The following CSRNP3 variants were observed in gnomAD, a reference collection of about 807,000 sequenced individuals.
CSRNP3 encodes the protein cysteine and serine rich nuclear protein 3.
CSRNP3 carries 12 observed loss-of-function variants against 48.0 expected under a neutral mutation model. The observed-to-expected ratio is 0.25, with a 90% CI of 0.16 to 0.41. The LOEUF (loss-of-function observed/expected upper bound fraction) is 0.41, where lower values mean the gene tolerates loss of function less well. Among genes scored for constraint, CSRNP3 ranks in the 10% least tolerant of loss-of-function variants. The pLI is 1.00. For synonymous variants in CSRNP3, 263 were observed against 269.7 expected (o/e 0.98, Z 0.24); for missense variants, 580 against 724.4 (o/e 0.80, Z 2.29).
intron 3 of CSRNP3, among the ~76,000 whole-genome samples, chr2:165,577,677 C>T (rs1324456989): frequency 6.6e-6 from 1 of 151,524 alleles, no homozygotes; most frequent in Non-Finnish European, 1.5e-5. Flanking sequence ...CTATTATATA[C>T]TTTTATATAT....
intron 3 of CSRNP3, among the ~76,000 whole-genome samples, chr2:165,521,751 C>A (rs2105235894): frequency 6.6e-6 from 1 of 152,280 alleles, no homozygotes; most frequent in East Asian, 1.9e-4. Context: ...GGGGAGAGAG[C>A]TGTCCTTTGC....
At chr2:165,636,154 G>A (rs1045823308) in intron 4 of CSRNP3, among the ~76,000 whole-genome samples, 1 of 152,094 alleles carries the variant, frequency 6.6e-6, no homozygotes, top group Non-Finnish European at 1.5e-5. Context: ...CTCTTCCATT[G>A]GCTCAAATGA....
chr2:165,516,076 G>A (rs1045386554), intron 2 of CSRNP3, among the ~76,000 whole-genome samples: 30 of 151,776 alleles, frequency 2.0e-4, no homozygotes, highest in African/African-American at 5.8e-4. Flanking sequence ...AAAGTGCGGG[G>A]GTTACAGGCA....
intron 4 of CSRNP3, among the ~76,000 whole-genome samples, chr2:165,600,905 ATTGT>A (rs1685904127): frequency 1.3e-5 from 2 of 152,214 alleles, no homozygotes; most frequent in African/African-American, 2.4e-5. Context: ...AATTGATAAG[ATTGT>A]TTGGTATGTG....
intron 4 of CSRNP3, among the ~76,000 whole-genome samples, chr2:165,644,149 A>C (rs1428732084): frequency 6.6e-6 from 1 of 152,176 alleles, no homozygotes; most frequent in Non-Finnish European, 1.5e-5. Context: ...TGGATTGTTT[A>C]GAGATTATGG....
At chr2:165,560,952 T>C (rs1484337914) in intron 3 of CSRNP3, among the ~76,000 whole-genome samples, 1 of 152,204 alleles carries the variant, frequency 6.6e-6, no homozygotes, top group African/African-American at 2.4e-5. Flanking sequence ...AAAAAAATGC[T>C]ATTACTTTTA....
chr2:165,676,267 A>C (rs200051425), intron 5 of CSRNP3, 45 bp from the exon 6 acceptor site: 294 of 1,491,788 alleles, frequency 2.0e-4, no homozygotes, highest in Non-Finnish European at 2.4e-4. Context: ...CAGATTTTGT[A>C]CCCTGCCCTT....
At chr2:165,616,303 A>G (rs764618745) in intron 4 of CSRNP3, among the ~76,000 whole-genome samples, 2 of 152,102 alleles carry the variant, frequency 1.3e-5, no homozygotes, top group African/African-American at 2.4e-5. Context: ...TTCTGTAATG[A>G]TAACATTTAA....
chr2:165,611,442 A>T (rs1217529834), intron 4 of CSRNP3, among the ~76,000 whole-genome samples: 1 of 152,086 alleles, frequency 6.6e-6, no homozygotes. Context: ...ATAAATACAC[A>T]CAATGTTGTC....
At chr2:165,623,881 C>T (rs1446972376) in intron 4 of CSRNP3, among the ~76,000 whole-genome samples, 3 of 152,174 alleles carry the variant, frequency 2.0e-5, no homozygotes, top group African/African-American at 7.2e-5. Flanking sequence ...TTTAGAGCAG[C>T]TGCAAGGGAG....
intron 3 of CSRNP3, among the ~76,000 whole-genome samples, chr2:165,580,979 G>A (rs1162598309): frequency 2.0e-5 from 3 of 151,650 alleles, no homozygotes; most frequent in African/African-American, 7.3e-5. Flanking sequence ...AACTTCACTT[G>A]GTACTTTTGT....
At chr2:165,637,957 C>T (rs973612659) in intron 4 of CSRNP3, among the ~76,000 whole-genome samples, 1 of 151,832 alleles carries the variant, frequency 6.6e-6, no homozygotes, top group Non-Finnish European at 1.5e-5. Flanking sequence ...TTTTAATGCC[C>T]CTTTTTCACT....
intron 4 of CSRNP3, among the ~76,000 whole-genome samples, chr2:165,623,510 G>A (rs558462123): frequency 1.6e-4 from 24 of 152,278 alleles, no homozygotes; most frequent in Non-Finnish European, 3.2e-4. Flanking sequence ...AAAGGTTGGG[G>A]ACCACTGATA....
intron 4 of CSRNP3, among the ~76,000 whole-genome samples, chr2:165,626,344 C>T (rs1176443951): frequency 6.6e-6 from 1 of 152,044 alleles, no homozygotes; most frequent in African/African-American, 2.4e-5. Flanking sequence ...GTGAGATGGA[C>T]ATCTAAGGTA....
At chr2:165,580,583 C>G (rs1483799052) in intron 3 of CSRNP3, among the ~76,000 whole-genome samples, 1 of 151,994 alleles carries the variant, frequency 6.6e-6, no homozygotes, top group African/African-American at 2.4e-5. Context: ...TAAAGCTTGC[C>G]CATATTTTAT....
chr2:165,549,482 T>G (rs1685071501), intron 3 of CSRNP3, among the ~76,000 whole-genome samples: 1 of 152,056 alleles, frequency 6.6e-6, no homozygotes, highest in Non-Finnish European at 1.5e-5. Flanking sequence ...GGGTCCAGTG[T>G]TTTACTCTTT....
intron 5 of CSRNP3, among the ~76,000 whole-genome samples, chr2:165,673,885 G>A (rs1402608699): frequency 6.6e-6 from 1 of 152,094 alleles, no homozygotes; most frequent in Non-Finnish European, 1.5e-5. Context: ...GCTGGGCATG[G>A]TGGCAGGCGC....
Position 165,681,146 on chromosome 2 carries a change from C to T in CSRNP3, c.*1393C>T, listed in dbSNP as rs541800516. ...TTTAGATTACCTGCACTTGGTTCGT[C>T]GGAGGACTTCTAGGATCCCGTTTCC... On this transcript the variant is annotated 3_prime_UTR_variant, in exon 7 of 7. Transcript: ENST00000651982. 2 of 152,218 alleles carry T rather than the reference C, an allele frequency of 1.3e-5. No homozygotes were observed. Among genetic ancestry groups the T allele is most frequent in the South Asian group, 2.1e-4 (1 of 4,816 alleles). 9.4% of individuals were successfully genotyped at this position (152,218 alleles called of 1,614,324 possible).
At chr2:165,535,654 A>G (rs1004778485) in intron 3 of CSRNP3, among the ~76,000 whole-genome samples, 2 of 151,838 alleles carry the variant, frequency 1.3e-5, no homozygotes, top group African/African-American at 4.8e-5. Context: ...GTTTATTGCT[A>G]TGATGAGAGA....
Sources: allele counts gnomAD v4.1 joint callset (sites outside exome capture counted in the v4.1 genomes callset), GRCh38; gene constraint gnomAD v4.1.1; transcripts MANE v1.5; gene names NCBI Gene and HGNC (gene_info 2026-07-23, HGNC 2026-07-21).